Variants in HFE observed in about 807,000 individuals in gnomAD.
The protein encoded by HFE is homeostatic iron regulator.
HFE carries 36 observed loss-of-function variants against 40.9 expected under a neutral mutation model. That is an observed-to-expected ratio of 0.88 (90% CI 0.67 to 1.16). The LOEUF (loss-of-function observed/expected upper bound fraction) is 1.16. Among genes scored for constraint, HFE ranks in the 50% most tolerant of loss-of-function variants. The pLI, the probability that HFE is intolerant of heterozygous loss-of-function variation, is 0.00. For missense variants in HFE, 376 were observed against 432.0 expected (o/e 0.87, Z 1.15); for synonymous variants, 157 against 165.4 (o/e 0.95, Z 0.39).
Position 26,087,438 on chromosome 6 carries a change from G to C in HFE, c.-3G>C. 6.2e-7 allele frequency: 1 copy of C among 1,614,064 alleles called. No individual in the cohort carries two copies. The highest frequency in any genetic ancestry group is 8.5e-7 in the Non-Finnish European group (1 of 1,179,996). Reference sequence around the variant, plus strand: ...ACGGGGACGTGCGGCCAGAGCTGGGGAAATGGGCCCGCGAGCCAGGCCGGC... The same window carrying C: ...ACGGGGACGTGCGGCCAGAGCTGGGCAAATGGGCCCGCGAGCCAGGCCGGC... On this transcript the variant is annotated 5_prime_UTR_variant, in exon 1 of 6. Transcript: ENST00000357618.
At chr6:26,091,209 G>A in intron 2 of HFE, 105 bp downstream of exon 2, 2 of 1,602,908 alleles carry the variant, frequency 1.2e-6, no homozygotes, top group South Asian at 1.1e-5. Context: ...TGGGAGCAGG[G>A]AAGAGGGAAG....
intron 5 of HFE, 68 bp downstream of exon 5, chr6:26,093,300 G>A: frequency 9.1e-7 from 1 of 1,093,342 alleles, no homozygotes; most frequent in Non-Finnish European, 1.4e-6. Flanking sequence ...GAGGGGCAGA[G>A]GGGATCTGGC....
chr6:26,092,897 G>A lies in HFE; in HGVS notation c.829G>A (p.Glu277Lys), dbSNP rs140080192. Residue 277 changes from glutamate to lysine, a missense_variant, in exon 4 of 6, where the codon GAG becomes AAG. By Grantham distance (56) the Glu-to-Lys change is moderately conservative. Around this residue, in one of 3 missense-constraint regions of HFE, gnomAD observed 173 missense variants for 186.9 expected, o/e 0.93. Transcript: ENST00000357618. ...WITLAVPPGE[E>K]QRYTCQVEHP... The stretch of plus-strand genomic sequence containing the variant: ...AACCTTGGCTGTACCCCCTGGGGAA[G>A]AGCAGAGATATACGTGCCAGGTGGA... 3,372 of 1,614,216 alleles carry A rather than the reference G, an allele frequency of 2.1e-3. 84 individuals carry two copies. The South Asian group carries it at 0.026, about 13-fold the overall frequency.
At chr6:26,087,732 C>G (rs1469976293) in intron 1 of HFE, among the ~76,000 whole-genome samples, 7 of 152,228 alleles carry the variant, frequency 4.6e-5, no homozygotes, top group African/African-American at 1.4e-4. Flanking sequence ...TGCCCCCTCC[C>G]CCGGCTGTCC....
At chr6:26,091,172 G>A in intron 2 of HFE, 68 bp downstream of exon 2, 4 of 1,607,828 alleles carry the variant, frequency 2.5e-6, no homozygotes, top group Non-Finnish European at 3.4e-6. Context: ...GCATCTTGAA[G>A]GAAACAGCTG....
At chr6:26,092,551 T>C in intron 3 of HFE, 134 bp from the exon 4 acceptor site, 1 of 1,509,222 alleles carries the variant, frequency 6.6e-7, no homozygotes, top group Non-Finnish European at 9.1e-7. Flanking sequence ...CACAAAATGG[T>C]GTCTCTCCTG....
intron 1 of HFE, among the ~76,000 whole-genome samples, chr6:26,090,311 C>T (rs959290349): frequency 1.3e-5 from 2 of 151,792 alleles, no homozygotes; most frequent in Admixed American, 6.6e-5. Context: ...GGTGTGGTGG[C>T]GCACGCCTAT....
rs1763015558 is a variant in HFE at position 26,096,122 on chromosome 6, A to T, written c.*1896A>T. 1 of 156,820 alleles carries T rather than the reference A, an allele frequency of 6.4e-6. No homozygotes were observed. The highest frequency in any genetic ancestry group is 1.4e-5 in the Non-Finnish European group (1 of 71,348). 9.7% of individuals were successfully genotyped at this position (156,820 alleles called of 1,614,324 possible). A position where few individuals can be genotyped will look rare whatever the true frequency, so the allele number is the denominator to read the frequency against. On this transcript the variant is annotated 3_prime_UTR_variant, in exon 6 of 6. Transcript: ENST00000357618. ...TTCAGGAATTGCTAGATTCTGGGAA[A>T]TCAGTTCACCATGTTCAAAAGAGTC...
intron 1 of HFE, among the ~76,000 whole-genome samples, chr6:26,088,019 C>G (rs1294415004): frequency 6.6e-6 from 1 of 152,146 alleles, no homozygotes; most frequent in Non-Finnish European, 1.5e-5. Flanking sequence ...GCGGTGGGGG[C>G]GCGAAAGAGT....
intron 1 of HFE, 81 bp downstream of exon 1, chr6:26,087,597 G>T: frequency 7.7e-7 from 1 of 1,298,742 alleles, no homozygotes; most frequent in Non-Finnish European, 1.1e-6. Context: ...GCGCTTGGGA[G>T]TTTGCTAACT....
In HFE at chr6:26,090,888, C is replaced by T. The variant is rs1272354878; in HGVS notation, c.124C>T (p.Leu42Phe). Reference sequence around the variant, plus strand: ...CTTCATGGGTGCCTCAGAGCAGGACCTTGGTCTTTCCTTGTTTGAAGCTTT... The same window carrying T: ...CTTCATGGGTGCCTCAGAGCAGGACTTTGGTCTTTCCTTGTTTGAAGCTTT... Reference protein sequence around the residue: ...YLFMGASEQDLGLSLFEALGY... With the variant: ...YLFMGASEQDFGLSLFEALGY... The change falls in exon 2 of 6, where the codon CTT becomes TTT. Residue 42 changes from leucine to phenylalanine, a missense_variant. Transcript: ENST00000357618. 6.2e-7 allele frequency: 1 copy of T among 1,614,166 alleles called. No homozygotes were observed.
At position 26,094,283 on chromosome 6, in the gene HFE, A is replaced by G. The variant is rs1762921441; in HGVS notation, c.*57A>G. On this transcript the variant is annotated 3_prime_UTR_variant, in exon 6 of 6. Coordinates refer to ENST00000357618, the MANE Select transcript of HFE (RefSeq NM_000410.4). The stretch of plus-strand genomic sequence containing the variant: ...GACAAAACTAGAGACTCAAAGAGGG[A>G]GTGCATTTATGAGCTCTTCATGTTT... 1.3e-6 allele frequency: 2 copies of G among 1,512,238 alleles called. No homozygotes were observed. Among genetic ancestry groups the G allele is most frequent in the Non-Finnish European group, 1.8e-6 (2 of 1,087,898 alleles). The allele number at this position is 1,512,238 out of a possible 1,614,324, so 93.7% of individuals were successfully genotyped here.
At position 26,094,944 on chromosome 6, in the gene HFE, G is replaced by A. The variant is rs1391316851; in HGVS notation, c.*718G>A. On this transcript the variant is annotated 3_prime_UTR_variant, in exon 6 of 6. Coordinates refer to ENST00000357618, the MANE Select transcript of HFE (RefSeq NM_000410.4). ...TGTTTTTTCTAATTGGCATGAAGGTGTCATACAGATTTGCAAAGTTTAATG... is the reference window on the plus strand; with the variant it reads ...TGTTTTTTCTAATTGGCATGAAGGTATCATACAGATTTGCAAAGTTTAATG... The A allele has an allele frequency of 6.1e-6, 1 of 162,952 alleles. No homozygotes were observed. Among genetic ancestry groups the A allele is most frequent in the South Asian group, 1.6e-4 (1 of 6,318 alleles). The allele number at this position is 162,952 out of a possible 1,614,324, so 10.1% of individuals were successfully genotyped here. A position where few individuals can be genotyped will look rare whatever the true frequency, so the allele number is the denominator to read the frequency against.
chr6:26,097,337 T>C lies in HFE; in HGVS notation c.*3111T>C, dbSNP rs987207462. ...ATTTTCTTTCGGTGTTTTTTAAGCTTAATTTTTCTGGCTTTATTCATAAAT... is the reference window on the plus strand; with the variant it reads ...ATTTTCTTTCGGTGTTTTTTAAGCTCAATTTTTCTGGCTTTATTCATAAAT... On this transcript the variant is annotated 3_prime_UTR_variant, in exon 6 of 6. Transcript: ENST00000357618. The C allele has an allele frequency of 1.3e-5, 2 of 152,216 alleles. No homozygotes were observed. The highest frequency in any genetic ancestry group is 2.9e-5 in the Non-Finnish European group (2 of 68,032). The allele number at this position is 152,216 out of a possible 1,614,324, so 9.4% of individuals were successfully genotyped here.
intron 1 of HFE, among the ~76,000 whole-genome samples, chr6:26,088,626 C>T (rs1029813742): frequency 1.3e-5 from 2 of 152,134 alleles, no homozygotes; most frequent in Admixed American, 6.5e-5. Flanking sequence ...AGGCATGGCA[C>T]GGCCTGCTTC....
At position 26,093,467 on chromosome 6, in the gene HFE, G is replaced by A. The variant is rs1762873827; in HGVS notation, c.1006+235G>A. Among the ~76,000 whole-genome samples, 6 of 152,256 alleles carry A rather than the reference G, an allele frequency of 3.9e-5. 1 individual carries two copies. In the South Asian group the frequency reaches 1.2e-3, roughly 32 times the overall value. On this transcript the variant is annotated intron_variant, in intron 5 of 5. Coordinates refer to ENST00000357618, the MANE Select transcript of HFE (RefSeq NM_000410.4). ...TGCAAGAGCTGTTTAAGGTAGTACA[G>A]GGGCTTTGAGGTTGAGAAGTCACTG... is the stretch of plus-strand genomic sequence containing the variant.
At chr6:26,091,779 G>A (rs1431760163) in intron 3 of HFE, among the ~76,000 whole-genome samples, 190 bp downstream of exon 3, 1 of 152,094 alleles carries the variant, frequency 6.6e-6, no homozygotes, top group Non-Finnish European at 1.5e-5. Flanking sequence ...CACAAGTCAT[G>A]GGTTTAATTT....
intron 1 of HFE, among the ~76,000 whole-genome samples, chr6:26,090,402 C>T (rs1324238993): frequency 4.5e-5 from 6 of 133,490 alleles, no homozygotes; most frequent in Non-Finnish European, 6.2e-5. Flanking sequence ...GAGATTGTGC[C>T]ACTGCACTCC....
Position 26,094,502 on chromosome 6 carries a change from T to A in HFE, c.*276T>A. ...GCTGCATCTAGAGGCTTCCTTCATT[T>A]CCTCCGTCACCTCAGAGACATACAC... is the stretch of plus-strand genomic sequence containing the variant. On this transcript the variant is annotated 3_prime_UTR_variant, in exon 6 of 6. Coordinates refer to ENST00000357618, the MANE Select transcript of HFE (RefSeq NM_000410.4). 1 of 702,810 alleles carries A rather than the reference T, an allele frequency of 1.4e-6. No individual in the cohort carries two copies. Among genetic ancestry groups the A allele is most frequent in the Non-Finnish European group, 2.6e-6 (1 of 384,878 alleles). 43.5% of individuals were successfully genotyped at this position (702,810 alleles called of 1,614,324 possible).
Sources: gnomAD v4.1 joint callset for allele counts (sites outside exome capture counted in the v4.1 genomes callset) on GRCh38, gnomAD v4.1.1 for gene constraint, gnomAD v4.1.1 regional missense constraint, MANE v1.5 for transcripts, NCBI Gene and HGNC (gene_info 2026-07-23, HGNC 2026-07-21) for gene names.